The following MARCHF1 variants were observed in gnomAD, a reference collection of about 807,000 sequenced individuals.
The protein encoded by MARCHF1 is membrane associated ring-CH-type finger 1.
In MARCHF1, 40 loss-of-function variants were observed where a neutral mutation model predicts 54.2. The ratio of observed to expected loss-of-function variants is 0.74; its 90% CI spans 0.57 to 0.96. The LOEUF is 0.96. Among genes scored for constraint, MARCHF1 ranks in the 40% least tolerant of loss-of-function variants. The pLI is 0.00. For synonymous variants in MARCHF1, 236 were observed against 236.3 expected, an observed-to-expected ratio of 1.00 and a Z score of 0.01; for missense variants, 586 against 656.5, an observed-to-expected ratio of 0.89 and a Z score of 1.17.
chr4:163,736,090 G>A (rs1025670279), intron 4 of MARCHF1, among the ~76,000 whole-genome samples: 22 of 152,050 alleles, frequency 1.4e-4, no homozygotes, highest in African/African-American at 4.8e-4. Context: ...TATTCTTACC[G>A]TAAATCTTAG....
intron 9 of MARCHF1, among the ~76,000 whole-genome samples, chr4:163,545,316 C>T (rs1738860298): frequency 6.6e-6 from 1 of 152,076 alleles, no homozygotes; most frequent in Admixed American, 6.5e-5. Flanking sequence ...ATTCAGTTCC[C>T]AAAAAGCCCG....
chr4:164,102,710 T>A (rs979517765), intron 2 of MARCHF1, among the ~76,000 whole-genome samples: 2 of 151,576 alleles, frequency 1.3e-5, no homozygotes, highest in Admixed American at 6.6e-5. Flanking sequence ...CATCAACTAA[T>A]GAGCAAAATA....
At chr4:163,948,547 A>G (rs1752067402) in intron 3 of MARCHF1, among the ~76,000 whole-genome samples, 1 of 152,250 alleles carries the variant, frequency 6.6e-6, no homozygotes, top group Admixed American at 6.5e-5. Flanking sequence ...AAAGAAAATT[A>G]AAGACTGATC....
chr4:163,834,280 A>C (rs1036577701), intron 4 of MARCHF1, among the ~76,000 whole-genome samples: 40 of 137,330 alleles, frequency 2.9e-4, no homozygotes, highest in African/African-American at 1.1e-3. Context: ...AAAACCTGCC[A>C]AAAAAAAAAA....
At chr4:164,249,822 G>T (rs1041087482) in intron 1 of MARCHF1, among the ~76,000 whole-genome samples, 3 of 150,864 alleles carry the variant, frequency 2.0e-5, no homozygotes, top group African/African-American at 7.3e-5. Flanking sequence ...GCAAGGAAAA[G>T]AACAAACTGA....
intron 9 of MARCHF1, among the ~76,000 whole-genome samples, chr4:163,539,413 GTTAAACAAA>G (rs1738653034): frequency 6.6e-6 from 1 of 152,090 alleles, no homozygotes; most frequent in South Asian, 2.1e-4. Flanking sequence ...GTTAGTGTGA[GTTAAACAAA>G]TTAACGGTGC....
chr4:163,758,075 C>T (rs10024826), intron 4 of MARCHF1, among the ~76,000 whole-genome samples: 7,233 of 152,046 alleles, frequency 0.048, 431 homozygotes, highest in African/African-American at 0.14. Flanking sequence ...TTTTTTAATC[C>T]AGTAGTTTCC....
At chr4:164,363,779 G>GTGTGTGTGTGTGTGTGTC (rs1478055099) in intron 1 of MARCHF1, among the ~76,000 whole-genome samples, 1 of 151,924 alleles carries the variant, frequency 6.6e-6, no homozygotes, top group East Asian at 1.9e-4. Flanking sequence ...GTGTGTGTGT[G>GTGTGTGTGTGTGTGTGTC]TGTGTCTGTG....
chr4:163,812,281 ATATAT>A (rs146096258), intron 4 of MARCHF1, among the ~76,000 whole-genome samples: 6,215 of 150,630 alleles, frequency 0.041, 173 homozygotes, highest in South Asian at 0.074. Context: ...TATCAATAAC[ATATAT>A]TATATATATA....
intron 3 of MARCHF1, among the ~76,000 whole-genome samples, chr4:163,942,979 T>C (rs1285514764): frequency 2.0e-5 from 3 of 152,218 alleles, no homozygotes; most frequent in Non-Finnish European, 4.4e-5. Context: ...TTTGTTGTTG[T>C]TGGCCGCATG....
intron 1 of MARCHF1, among the ~76,000 whole-genome samples, chr4:164,281,266 A>G (rs1296804907): frequency 3.3e-5 from 5 of 152,166 alleles, no homozygotes; most frequent in Non-Finnish European, 7.4e-5. Context: ...ACAAATACAT[A>G]CTGAATAACT....
At chr4:164,032,496 C>T (rs1204245054) in intron 2 of MARCHF1, among the ~76,000 whole-genome samples, 1 of 152,126 alleles carries the variant, frequency 6.6e-6, no homozygotes, top group Non-Finnish European at 1.5e-5. Flanking sequence ...CCACTTAACA[C>T]TGCTTTAGCT....
At chr4:163,805,825 G>A (rs1178080752) in intron 4 of MARCHF1, among the ~76,000 whole-genome samples, 1 of 152,218 alleles carries the variant, frequency 6.6e-6, no homozygotes, top group Middle Eastern at 3.4e-3. Flanking sequence ...CAAACACTAG[G>A]CTCAGCTGCA....
intron 4 of MARCHF1, among the ~76,000 whole-genome samples, chr4:163,816,402 A>T (rs1170906879): frequency 2.6e-5 from 4 of 151,518 alleles, no homozygotes; most frequent in Admixed American, 2.6e-4. Context: ...TATAAATAGT[A>T]TTCAAGTTCA....
intron 4 of MARCHF1, among the ~76,000 whole-genome samples, chr4:163,848,805 GCTC>G (rs1274536348): frequency 6.6e-6 from 1 of 152,022 alleles, no homozygotes; most frequent in Non-Finnish European, 1.5e-5. Flanking sequence ...AAGATTTTCA[GCTC>G]AATAAATATA....
chr4:163,968,133 C>A (rs1298419742), intron 3 of MARCHF1, among the ~76,000 whole-genome samples: 3 of 152,116 alleles, frequency 2.0e-5, no homozygotes, highest in East Asian at 1.9e-4. Context: ...TTGCTGCAGG[C>A]ATTTTTCAGA....
chr4:163,967,563 C>A (rs1752466641), intron 3 of MARCHF1, among the ~76,000 whole-genome samples: 1 of 152,138 alleles, frequency 6.6e-6, no homozygotes, highest in African/African-American at 2.4e-5. Flanking sequence ...TTCTCGGGTT[C>A]CCTTTACTTC....
At chr4:164,161,434 T>C (rs1360549481) in intron 1 of MARCHF1, among the ~76,000 whole-genome samples, 2 of 152,156 alleles carry the variant, frequency 1.3e-5, no homozygotes, top group Non-Finnish European at 2.9e-5. Flanking sequence ...CAGCCTCAAG[T>C]ATTTTTAATA....
intron 1 of MARCHF1, among the ~76,000 whole-genome samples, chr4:164,173,970 G>T (rs1335324990): frequency 6.6e-6 from 1 of 152,264 alleles, no homozygotes; most frequent in African/African-American, 2.4e-5. Flanking sequence ...AGAAAGAATA[G>T]CCAGGGAGGT....
Sources: gnomAD v4.1 joint callset for allele counts (sites outside exome capture counted in the v4.1 genomes callset) on GRCh38, gnomAD v4.1.1 for gene constraint, MANE v1.5 for transcripts, NCBI Gene and HGNC (gene_info 2026-07-23, HGNC 2026-07-21) for gene names.